PACS2: variants seen among roughly 807,000 people sequenced by gnomAD.
PACS2 encodes PACS1-like protein.
In PACS2, 36 loss-of-function variants were observed where a neutral mutation model predicts 113.0. The observed-to-expected ratio is 0.32, with a 90% CI of 0.24 to 0.42. The LOEUF (loss-of-function observed/expected upper bound fraction) is 0.42. Ranked by LOEUF, PACS2 falls within the 10% of genes least tolerant of loss-of-function variation. PACS2 has a pLI of 1.00. For missense variants in PACS2, 1,015 were observed against 1,239.5 expected (o/e 0.82, Z 2.72); for synonymous variants, 589 against 536.1 (o/e 1.10, Z -1.36).
At chr14:105,394,474 C>G in intron 24 of PACS2, 80 bp from the exon 25 acceptor site, 2 of 1,589,230 alleles carry the variant, frequency 1.3e-6, no homozygotes, top group Non-Finnish European at 8.6e-7. Context: ...TGCCACCCAG[C>G]CTGGTGGGCC....
chr14:105,313,806 G>GGCATCTGGTGCTGGACC (rs991705264), upstream of PACS2, among the ~76,000 whole-genome samples: 10 of 152,252 alleles, frequency 6.6e-5, no homozygotes, highest in Non-Finnish European at 1.2e-4. Flanking sequence ...ATCTCGGCTT[G>GGCATCTGGTGCTGGACC]GCATCTGGTG....
At chr14:105,318,711 T>G (rs1206132129) in intron 1 of PACS2, among the ~76,000 whole-genome samples, 4 of 151,948 alleles carry the variant, frequency 2.6e-5, no homozygotes, top group African/African-American at 4.8e-5. Flanking sequence ...CAGGCTGGAG[T>G]GCAGTGGTGC....
At chr14:105,388,296 G>A (rs1296199194) in intron 19 of PACS2, among the ~76,000 whole-genome samples, 1 of 152,244 alleles carries the variant, frequency 6.6e-6, no homozygotes, top group Non-Finnish European at 1.5e-5. Flanking sequence ...GCGAAGACAG[G>A]GAAGGCACCT....
upstream of PACS2, among the ~76,000 whole-genome samples, chr14:105,310,562 T>C (rs1446188259): frequency 6.6e-6 from 1 of 150,986 alleles, no homozygotes; most frequent in African/African-American, 2.4e-5. Context: ...AAAAGAATGT[T>C]ACCCTAGTGA....
chr14:105,363,503 ACTT>A (rs782698681), intron 4 of PACS2, among the ~76,000 whole-genome samples: 1 of 152,022 alleles, frequency 6.6e-6, no homozygotes, highest in African/African-American at 2.4e-5. Flanking sequence ...CCAGCTCCAA[ACTT>A]CTTCTGCAGC....
rs186202000 is a variant in PACS2 at position 105,324,625 on chromosome 14, G to T, written c.119+9588G>T. 7.8e-4 allele frequency among the ~76,000 whole-genome samples: 119 copies of T among 152,326 alleles called. No individual in the cohort carries two copies. Among genetic ancestry groups the T allele is most frequent in the African/African-American group, 2.6e-3 (109 of 41,582 alleles). ...GCTCAGCTCAGGCCGACTTAGCAGG[G>T]TTGTGAGAGTGATGAGAGCGTGGCT... On this transcript the variant is annotated intron_variant, in intron 1 of 24. Coordinates refer to ENST00000447393, the MANE Select transcript of PACS2 (RefSeq NM_001100913.3). This position sits in a 1 kb window ranked among gnomAD's most constrained non-coding sequence, Gnocchi z 4.7.
chr14:105,369,869 C>A lies in PACS2; in HGVS notation c.770C>A (p.Ala257Glu). ...CAGAACTTCAAGCAGAAAGTGGTAG[C>A]GCTGCTGCGGAGGTTCAAAGTGTCC... ...RQQNFKQKVV[A>E]LLRRFKVSDE... Residue 257 changes from alanine to glutamate, a missense_variant, in exon 8 of 25, where the codon GCG becomes GAG. Physicochemically the swap from Ala to Glu is moderately radical, Grantham distance 107. This residue lies in a region of PACS2 where 859 missense variants were observed against 1,056.8 expected (regional missense o/e 0.81). Coordinates refer to ENST00000447393, the MANE Select transcript of PACS2 (RefSeq NM_001100913.3). 6.2e-7 allele frequency: 1 copy of A among 1,604,228 alleles called. No individual in the cohort carries two copies.
chr14:105,387,721 C>T (rs1555413922), intron 19 of PACS2, among the ~76,000 whole-genome samples: 1 of 152,220 alleles, frequency 6.6e-6, no homozygotes, highest in African/African-American at 2.4e-5. Flanking sequence ...TCATCTGCCA[C>T]GCACTGCCCC....
At chr14:105,371,168 C>A (rs2061136524) in intron 8 of PACS2, 1 of 152,274 alleles carries the variant, frequency 6.6e-6, no homozygotes, top group Non-Finnish European at 1.5e-5. Context: ...AGCTCCGCCA[C>A]TGGGATGGTC....
At position 105,368,108 on chromosome 14, in the gene PACS2, C is replaced by T. The variant is rs1555408395; in HGVS notation, c.621C>T (p.Ser207=). 1 of 1,611,870 alleles carries T rather than the reference C, an allele frequency of 6.2e-7. No homozygotes were observed. Among genetic ancestry groups the T allele is most frequent in the Admixed American group, 1.7e-5 (1 of 60,016 alleles). ...NYSEEEYESF[S]SEQEASDDAV... Reference sequence around the variant, plus strand: ...CCGAGGAGGAGTATGAGAGCTTCTCCTCCGAGCAGGAGGCCAGTGACGACG... The same window carrying T: ...CCGAGGAGGAGTATGAGAGCTTCTCTTCCGAGCAGGAGGCCAGTGACGACG... The change falls in exon 6 of 25, where the codon TCC becomes TCT. Residue 207 remains serine (S), a synonymous_variant. Coordinates refer to ENST00000447393, the MANE Select transcript of PACS2 (RefSeq NM_001100913.3).
In PACS2 at chr14:105,354,966, C is replaced by A; in HGVS notation, c.298-86C>A. On this transcript the variant is annotated intron_variant, in intron 3 of 24. Transcript: ENST00000447393. The surrounding 1 kb of genome is among the most constrained non-coding windows in gnomAD (Gnocchi z 4.2). ...GGCAGCAGGTTGGCCTGGTCGCAGG[C>A]TGCAGGGTGGCTGGGCCGTCAGAGG... The A allele has an allele frequency of 1.4e-6, 2 of 1,421,558 alleles. No homozygotes were observed. Among genetic ancestry groups the A allele is most frequent in the Non-Finnish European group, 1.9e-6 (2 of 1,033,322 alleles). 88.1% of individuals were successfully genotyped at this position (1,421,558 alleles called of 1,614,324 possible). A position where few individuals can be genotyped will look rare whatever the true frequency, so the allele number is the denominator to read the frequency against.
intron 1 of PACS2, among the ~76,000 whole-genome samples, chr14:105,325,350 G>A (rs756856056): frequency 6.6e-6 from 1 of 151,902 alleles, no homozygotes; most frequent in Non-Finnish European, 1.5e-5. Context: ...GCAGGGGAGG[G>A]GACTTGGAAG....
At chr14:105,382,107 C>A in intron 13 of PACS2, 49 bp downstream of exon 13, 1 of 1,517,750 alleles carries the variant, frequency 6.6e-7, no homozygotes. Context: ...TCGTGGTCAC[C>A]CTGGCACCAA....
Position 105,362,144 on chromosome 14 carries a change from T to C in PACS2, c.424-5069T>C, listed in dbSNP as rs148996586. On this transcript the variant is annotated intron_variant, in intron 4 of 24. Transcript: ENST00000447393. Reference sequence around the variant, plus strand: ...TCTCAAAAAAAAAGAATGGGCCAGGTGTGGTGGCTCACGCCTGTCATCCCA... The same window carrying C: ...TCTCAAAAAAAAAGAATGGGCCAGGCGTGGTGGCTCACGCCTGTCATCCCA... 5.3e-3 allele frequency among the ~76,000 whole-genome samples: 772 copies of C among 146,536 alleles called. 5 individuals are homozygous for C. The highest frequency in any genetic ancestry group is 0.013 in the Admixed American group (184 of 14,522).
intron 5 of PACS2, 137 bp from the exon 6 acceptor site, chr14:105,367,937 C>G (rs587699777): frequency 2.9e-6 from 2 of 680,512 alleles, no homozygotes; most frequent in African/African-American, 1.8e-5. Flanking sequence ...GCACCTGTGT[C>G]TGGAGCCCCT....
intron 20 of PACS2, chr14:105,390,955 G>A: frequency 1.8e-6 from 1 of 558,560 alleles, no homozygotes; most frequent in Non-Finnish European, 3.2e-6. Context: ...CTGCCCTGAG[G>A]GCCGACTTTA....
rs587656369 is a variant in PACS2, at chr14:105,340,956, C to T, written c.120-7537C>T. On this transcript the variant is annotated intron_variant, in intron 1 of 24. Coordinates refer to ENST00000447393, the MANE Select transcript of PACS2 (RefSeq NM_001100913.3). This position sits in a 1 kb window ranked among gnomAD's most constrained non-coding sequence, Gnocchi z 4.2. ...CCGTCTCTGGCCACGTAGCCGTCACCCAGCTAGCATGGGGAGGCTCGCTAC... is the reference window on the plus strand; with the variant it reads ...CCGTCTCTGGCCACGTAGCCGTCACTCAGCTAGCATGGGGAGGCTCGCTAC... Among the ~76,000 whole-genome samples the T allele has an allele frequency of 6.6e-6, 1 of 152,352 alleles. No individual in the cohort carries two copies. The highest frequency in any genetic ancestry group is 1.9e-4 in the East Asian group (1 of 5,188).
chr14:105,344,611 C>G (rs111271943), intron 1 of PACS2, among the ~76,000 whole-genome samples: 2,589 of 152,198 alleles, frequency 0.017, 37 homozygotes, highest in Admixed American at 0.03. Context: ...TAGTGCTTTC[C>G]TTCTTTTACT....
At chr14:105,352,493 C>T (rs1555404231) in intron 3 of PACS2, 26 bp downstream of exon 3, 4 of 1,394,368 alleles carry the variant, frequency 2.9e-6, no homozygotes, top group East Asian at 4.6e-5. Context: ...GTGGTGACGA[C>T]ACCCTCATCA....
Sources: allele counts gnomAD v4.1 joint callset (sites outside exome capture counted in the v4.1 genomes callset), GRCh38; gene constraint gnomAD v4.1.1; regional missense constraint gnomAD v4.1.1; non-coding constraint Gnocchi (gnomAD v3.1); transcripts MANE v1.5; gene names NCBI Gene and HGNC (gene_info 2026-07-23, HGNC 2026-07-21).